The following FSTL4 variants were observed in gnomAD, a reference collection of about 807,000 sequenced individuals.
The protein encoded by FSTL4 is follistatin like 4.
Under a neutral mutation model 78.2 loss-of-function variants are expected in FSTL4, and 28 were observed. The ratio of observed to expected loss-of-function variants is 0.36; its 90% CI spans 0.27 to 0.49. The LOEUF (loss-of-function observed/expected upper bound fraction) is 0.49, where lower values mean the gene tolerates loss of function less well. FSTL4 is among the 20% of genes least tolerant of loss of function. The pLI is 0.98. For missense variants in FSTL4, 922 were observed against 1,084.9 expected (o/e 0.85, Z 2.11); for synonymous variants, 422 against 440.5 (o/e 0.96, Z 0.53).
intron 4 of FSTL4, among the ~76,000 whole-genome samples, chr5:133,376,899 A>AG (rs1554109351): frequency 6.6e-6 from 1 of 151,660 alleles, no homozygotes. Context: ...AAAAAAAAAA[A>AG]AAAAAAGAAA....
chr5:133,282,015 A>G (rs1753020582), intron 6 of FSTL4, among the ~76,000 whole-genome samples: 1 of 152,184 alleles, frequency 6.6e-6, no homozygotes, highest in Non-Finnish European at 1.5e-5. Context: ...CCGAAGCATG[A>G]ATTCATAGAG....
chr5:133,318,761 C>G (rs1753971942), intron 4 of FSTL4, among the ~76,000 whole-genome samples: 1 of 152,226 alleles, frequency 6.6e-6, no homozygotes. Flanking sequence ...CAGGCTGGGT[C>G]AAAAGGGCAG....
intron 3 of FSTL4, among the ~76,000 whole-genome samples, chr5:133,449,462 C>T (rs1027059014): frequency 5.3e-5 from 8 of 152,172 alleles, no homozygotes; most frequent in Non-Finnish European, 8.8e-5. Context: ...TAGTCTAACA[C>T]GCGCGGGCCT....
chr5:133,680,388 A>AGG, the FSTL4 span, among the ~76,000 whole-genome samples: 6 of 152,218 alleles, frequency 3.9e-5, no homozygotes, highest in Middle Eastern at 3.4e-3. Flanking sequence ...CCAGCTCCAA[A>AGG]CACAGGATCC....
intron 10 of FSTL4, 31 bp from the exon 11 acceptor site, chr5:133,224,247 G>C: frequency 6.3e-7 from 1 of 1,589,872 alleles, no homozygotes; most frequent in Non-Finnish European, 8.6e-7. Flanking sequence ...GAAAGCAGGA[G>C]TGTGATGGAG....
At chr5:133,577,741 CA>C (rs547323751) in intron 2 of FSTL4, among the ~76,000 whole-genome samples, 1 of 152,000 alleles carries the variant, frequency 6.6e-6, no homozygotes, top group African/African-American at 2.4e-5. Context: ...CCCCTCTCTA[CA>C]AAAAAATATG....
chr5:133,802,788 C>T, the FSTL4 span, among the ~76,000 whole-genome samples: 1 of 152,238 alleles, frequency 6.6e-6, no homozygotes, highest in African/African-American at 2.4e-5. Context: ...TGTTTCCCTC[C>T]TCTAGCCCCA....
At chr5:133,817,972 T>C in the FSTL4 span, among the ~76,000 whole-genome samples, 2 of 152,316 alleles carry the variant, frequency 1.3e-5, no homozygotes, top group African/African-American at 4.8e-5. Context: ...TCCAGTAGAA[T>C]CTGGATTCAA....
chr5:133,821,717 G>T, the FSTL4 span, among the ~76,000 whole-genome samples: 7 of 152,266 alleles, frequency 4.6e-5, 1 homozygote, highest in Admixed American at 4.6e-4. Flanking sequence ...AAGCCAGCAG[G>T]GAGGAGCTCC....
the FSTL4 span, among the ~76,000 whole-genome samples, chr5:133,641,127 C>T: frequency 1.3e-5 from 2 of 152,154 alleles, no homozygotes; most frequent in East Asian, 1.9e-4. Flanking sequence ...TATGCAGCAG[C>T]CCTGCTGCTG....
the FSTL4 span, among the ~76,000 whole-genome samples, chr5:133,811,733 C>G: frequency 6.6e-6 from 1 of 152,202 alleles, no homozygotes; most frequent in African/African-American, 2.4e-5. Context: ...CCTCAGGTTT[C>G]CAGAACTCTG....
At chr5:133,632,711 G>C in the FSTL4 span, among the ~76,000 whole-genome samples, 2 of 152,058 alleles carry the variant, frequency 1.3e-5, no homozygotes, top group African/African-American at 4.8e-5. Context: ...TTTGAAACAG[G>C]GTCTTGCTCT....
intron 3 of FSTL4, among the ~76,000 whole-genome samples, chr5:133,530,584 A>G (rs1455160802): frequency 6.6e-6 from 1 of 152,244 alleles, no homozygotes; most frequent in Non-Finnish European, 1.5e-5. Flanking sequence ...AAGATAAGAC[A>G]CAGGCATAAT....
the FSTL4 span, among the ~76,000 whole-genome samples, chr5:133,834,531 A>T: frequency 1.3e-5 from 2 of 152,148 alleles, no homozygotes; most frequent in African/African-American, 4.8e-5. Context: ...GGGAGTAACA[A>T]TTATAGACAT....
At chr5:133,697,673 G>C in the FSTL4 span, among the ~76,000 whole-genome samples, 8 of 152,218 alleles carry the variant, frequency 5.3e-5, no homozygotes, top group African/African-American at 1.7e-4. Flanking sequence ...TAGATGGCAG[G>C]CTTCAGCAGT....
At chr5:133,557,312 C>T (rs184980232) in intron 3 of FSTL4, among the ~76,000 whole-genome samples, 3 of 152,316 alleles carry the variant, frequency 2.0e-5, no homozygotes, top group East Asian at 3.9e-4. Context: ...TGATTCTTAG[C>T]CTGCTTTTCA....
chr5:133,516,191 C>T (rs1050517618), intron 3 of FSTL4, among the ~76,000 whole-genome samples: 1 of 151,952 alleles, frequency 6.6e-6, no homozygotes, highest in Non-Finnish European at 1.5e-5. Context: ...TGTACTAAGA[C>T]TTTGTTTCCT....
chr5:133,377,990 A>G (rs891492992), intron 4 of FSTL4, among the ~76,000 whole-genome samples: 2 of 152,214 alleles, frequency 1.3e-5, no homozygotes, highest in Admixed American at 6.5e-5. Flanking sequence ...GTGGAATGAC[A>G]TATTCAATGT....
At chr5:133,623,136 A>G in the FSTL4 span, among the ~76,000 whole-genome samples, 3 of 151,662 alleles carry the variant, frequency 2.0e-5, no homozygotes, top group African/African-American at 7.3e-5. Context: ...TGAAAAGCCT[A>G]TCCATTGACT....
Sources: allele counts gnomAD v4.1 joint callset (sites outside exome capture counted in the v4.1 genomes callset), GRCh38; gene constraint gnomAD v4.1.1; transcripts MANE v1.5; gene names NCBI Gene and HGNC (gene_info 2026-07-23, HGNC 2026-07-21).